Variants in PPP2R3B observed in about 807,000 individuals in gnomAD.
The protein encoded by PPP2R3B is serine/threonine-protein phosphatase 2A regulatory subunit B'' subunit beta.
In PPP2R3B, 68 loss-of-function variants were observed where a neutral mutation model predicts 72.9. The observed-to-expected ratio is 0.93, with a 90% confidence interval of 0.77 to 1.14. The LOEUF is 1.14. PPP2R3B is among the 50% of genes most tolerant of loss of function. PPP2R3B has a pLI of 0.00. For synonymous variants in PPP2R3B, 466 were observed against 375.8 expected (o/e 1.24, Z -2.78); for missense variants, 1,018 against 842.0 (o/e 1.21, Z -2.59).
intron 1 of PPP2R3B, among the ~76,000 whole-genome samples, chrX:381,309 A>G (rs1171897055): frequency 6.6e-6 from 1 of 152,174 alleles, no homozygotes; most frequent in African/African-American, 2.4e-5. Flanking sequence ...CACAGAATGC[A>G]ATCTCTCTGC....
Position 347,254 on chromosome X carries a change from C to T in PPP2R3B, c.697G>A (p.Asp233Asn), listed in dbSNP as rs2071240034. Residue 233 changes from aspartate (D) to asparagine (N), a missense_variant, in exon 4 of 13, where the codon GAC becomes AAC. Physicochemically the swap from Asp to Asn is conservative, Grantham distance 23 (BLOSUM62 1). Coordinates refer to ENST00000390665, the MANE Select transcript of PPP2R3B (RefSeq NM_013239.5). ...CTCACCTGCAAGAAGGGGACAAAGT[C>T]CTCCTGCACCAGGTAGTTGCAGCCG... ...SPGCNYLVQEDFVPFLQDVVN... is the reference protein window; with the variant it reads ...SPGCNYLVQENFVPFLQDVVN... 6.2e-7 allele frequency: 1 copy of T among 1,613,574 alleles called. No individual in the cohort carries two copies. The highest frequency in any genetic ancestry group is 1.1e-5 in the South Asian group (1 of 91,078).
intron 2 of PPP2R3B, among the ~76,000 whole-genome samples, chrX:354,393 C>T (rs1219629384): frequency 5.9e-5 from 9 of 152,152 alleles, no homozygotes; most frequent in African/African-American, 1.2e-4. Flanking sequence ...GAACAGGGAC[C>T]GGGGGCTCAC....
rs776319100 is a variant in PPP2R3B at position 346,208 on chromosome X, G to A, written c.845C>T (p.Thr282Ile). 3.2e-6 allele frequency: 5 copies of A among 1,569,756 alleles called. No individual in the cohort carries two copies. In the South Asian group the frequency reaches 4.7e-5, roughly 15 times the overall value. Reference protein sequence around the residue: ...AVNRSWSGRITCAELRRSSFL... With the variant: ...AVNRSWSGRIICAELRRSSFL... The stretch of plus-strand genomic sequence containing the variant: ...GGAGCTCCTCCGCAGCTCGGCGCAG[G>A]TGATCCTGCCGGACCAGGACCGGTT... The change falls in exon 6 of 13, where the codon ACC becomes ATC. Residue 282 changes from threonine to isoleucine, a missense_variant. Transcript: ENST00000390665.
chrX:338,314 C>G (rs146660917), intron 12 of PPP2R3B: 2 of 566,152 alleles, frequency 3.5e-6, no homozygotes, highest in Admixed American at 6.1e-5. Context: ...CGAAACACGA[C>G]TCGGCCTCCC....
chrX:378,245 G>A (rs1433364312), intron 1 of PPP2R3B, among the ~76,000 whole-genome samples: 2 of 152,178 alleles, frequency 1.3e-5, no homozygotes, highest in South Asian at 4.1e-4. Flanking sequence ...CTGCTGTCGG[G>A]ACACAATCTT....
In PPP2R3B at chrX:346,572, C is replaced by T. The variant is rs2071219060; in HGVS notation, c.792+129G>A. 1.1e-5 allele frequency: 10 copies of T among 896,656 alleles called. No homozygotes were observed. In the East Asian group the frequency reaches 1.6e-4, roughly 15 times the overall value. The allele number at this position is 896,656 out of a possible 1,614,324, so 55.5% of individuals were successfully genotyped here. ...GGCGGGTGGAGACTCTCCCAGAGCG[C>T]GGCCGCCTCCTCCGGAAGCTCAGGA... On this transcript the variant is annotated intron_variant, in intron 5 of 12. Coordinates refer to ENST00000390665, the MANE Select transcript of PPP2R3B (RefSeq NM_013239.5).
Position 379,350 on chromosome X carries a change from GTGTGTATGCACCTATGTGTGTATGTACC to G in PPP2R3B, c.324+6990_324+7017del, listed in dbSNP as rs1302591429. Among the ~76,000 whole-genome samples the G allele has an allele frequency of 2.4e-4, 36 of 147,124 alleles. 1 individual carries two copies. In the South Asian group the frequency reaches 7.1e-3, roughly 29 times the overall value. ...GTGTGTATGCACCTGTTATGCACCTGTGTGTATGCACCTATGTGTGTATGTACCTGTGTATGCACCTATGTGTGTATGC... is the reference window on the plus strand; with the variant it reads ...GTGTGTATGCACCTGTTATGCACCTGTGTGTATGCACCTATGTGTGTATGC... On this transcript the variant is annotated intron_variant, in intron 1 of 12. Coordinates refer to ENST00000390665, the MANE Select transcript of PPP2R3B (RefSeq NM_013239.5).
At position 363,778 on chromosome X, in the gene PPP2R3B, C is replaced by A. The variant is rs147796978; in HGVS notation, c.325-2188G>T. On this transcript the variant is annotated intron_variant, in intron 1 of 12. Transcript: ENST00000390665. The stretch of plus-strand genomic sequence containing the variant: ...CGCTGTGGGGGTCCCACTGTGGAGC[C>A]TGCGGCTCTTCCTCCTTCATCACGC... 8.9e-3 allele frequency among the ~76,000 whole-genome samples: 1,348 copies of A among 151,930 alleles called. 19 individuals carry two copies. Among genetic ancestry groups the A allele is most frequent in the African/African-American group, 0.031 (1,276 of 41,310 alleles).
At position 334,397 on chromosome X, in the gene PPP2R3B, T is replaced by TACTCGTACAGGTCCACGAC. The variant is rs1569369688; in HGVS notation, c.1697_1698insGTCGTGGACCTGTACGAGT (p.Cys567SerfsTer40). On this transcript the variant is annotated frameshift_variant, in exon 13 of 13. Coordinates refer to ENST00000390665, the MANE Select transcript of PPP2R3B (RefSeq NM_013239.5). LOFTEE classifies it high-confidence loss of function. The stretch of plus-strand genomic sequence containing the variant: ...GCGGCTCCAGGTCCTCGTCCCCGCA[T>TACTCGTACAGGTCCACGAC]GCGTACTCGTACAGGTCCACGGCGC... 1 of 1,557,840 alleles carries TACTCGTACAGGTCCACGAC rather than the reference T, an allele frequency of 6.4e-7. No homozygotes were observed. Among genetic ancestry groups the TACTCGTACAGGTCCACGAC allele is most frequent in the South Asian group, 1.2e-5 (1 of 85,408 alleles).
intron 8 of PPP2R3B, chrX:341,598 G>A: frequency 1.5e-6 from 1 of 663,890 alleles, no homozygotes; most frequent in Non-Finnish European, 2.6e-6. Flanking sequence ...TCCAGGCAGG[G>A]TCAGGAGTGC....
chrX:348,721 A>ACCTGAAAGATTTT (rs1261299101), intron 2 of PPP2R3B, among the ~76,000 whole-genome samples: 1 of 152,176 alleles, frequency 6.6e-6, no homozygotes, highest in Non-Finnish European at 1.5e-5. Context: ...CAAAAAATAA[A>ACCTGAAAGATTTT]CTACAATAGA....
intron 2 of PPP2R3B, among the ~76,000 whole-genome samples, chrX:349,628 T>A (rs1207517912): frequency 1.3e-5 from 2 of 152,196 alleles, no homozygotes; most frequent in Non-Finnish European, 2.9e-5. Context: ...GCTTACCAAA[T>A]ACGGGAATTA....
intron 1 of PPP2R3B, among the ~76,000 whole-genome samples, chrX:363,480 CG>C (rs2071596420): frequency 2.3e-5 from 3 of 130,856 alleles, no homozygotes; most frequent in East Asian, 2.3e-4. Context: ...TGCATCTCCC[CG>C]AGCCCAGCAT....
rs750036760 is a variant in PPP2R3B at position 340,747 on chromosome X, G to A, written c.1351+18C>T. ...CGTCCGTCCCCTCACCCTGGGCCAT[G>A]CCCTCACGGGGCATCACCTTCAGTC... On this transcript the variant is annotated intron_variant, in intron 10 of 12. Transcript: ENST00000390665. 1 of 970,404 alleles carries A rather than the reference G, an allele frequency of 1.0e-6. No individual in the cohort carries two copies. The highest frequency in any genetic ancestry group is 1.3e-6 in the Non-Finnish European group (1 of 765,990). The allele number at this position is 970,404 out of a possible 1,614,324, so 60.1% of individuals were successfully genotyped here.
chrX:363,938 C>T (rs1027461843), intron 1 of PPP2R3B, among the ~76,000 whole-genome samples: 1 of 152,250 alleles, frequency 6.6e-6, no homozygotes, highest in Non-Finnish European at 1.5e-5. Context: ...TGAAAACTGC[C>T]AAGAACCCTG....
intron 2 of PPP2R3B, among the ~76,000 whole-genome samples, chrX:360,975 C>T (rs910857854): frequency 3.3e-5 from 5 of 152,040 alleles, no homozygotes; most frequent in Middle Eastern, 3.2e-3. Flanking sequence ...TGCCAGGAGA[C>T]GGGTCCACAG....
At position 340,213 on chromosome X, in the gene PPP2R3B, G is replaced by T. The variant is rs1329729408; in HGVS notation, c.1351+552C>A. Among the ~76,000 whole-genome samples the T allele has an allele frequency of 6.8e-5, 2 of 29,372 alleles. 1 individual carries two copies. Among genetic ancestry groups the T allele is most frequent in the South Asian group, 2.3e-3 (2 of 862 alleles). 19.3% of individuals were successfully genotyped at this position (29,372 alleles called of 152,430 possible). ...GAGGGGAGGAGACGGGGGGGGGGGG[G>T]GTGAGGGGAGGACCGCCTTGTGCGG... On this transcript the variant is annotated intron_variant, in intron 10 of 12. Coordinates refer to ENST00000390665, the MANE Select transcript of PPP2R3B (RefSeq NM_013239.5).
intron 1 of PPP2R3B, among the ~76,000 whole-genome samples, chrX:364,156 G>A (rs1321247871): frequency 6.6e-6 from 1 of 152,222 alleles, no homozygotes; most frequent in East Asian, 1.9e-4. Context: ...GCAAAACGCA[G>A]GGTCCTCCGG....
intron 2 of PPP2R3B, among the ~76,000 whole-genome samples, chrX:351,430 C>G (rs2071330783): frequency 6.6e-6 from 1 of 152,222 alleles, no homozygotes; most frequent in South Asian, 2.1e-4. Context: ...ACCGTCATGA[C>G]CCGGTGGCAG....
Sources: gnomAD v4.1 joint callset for allele counts (sites outside exome capture counted in the v4.1 genomes callset) on GRCh38, gnomAD v4.1.1 for gene constraint, MANE v1.5 for transcripts, NCBI Gene and HGNC (gene_info 2026-07-23, HGNC 2026-07-21) for gene names.